Variants in EEA1 observed in about 807,000 individuals in gnomAD.
EEA1 encodes early endosome antigen 1, also known as early endosome antigen 1, 162kD.
In EEA1, 111 loss-of-function variants were observed where a neutral mutation model predicts 209.2. The observed-to-expected ratio is 0.53, with a 90% confidence interval of 0.45 to 0.62. The LOEUF (loss-of-function observed/expected upper bound fraction) is 0.62, where lower values mean the gene tolerates loss of function less well. Among genes scored for constraint, EEA1 ranks in the 20% least tolerant of loss-of-function variants. The pLI is 0.00. For missense variants in EEA1, 1,343 were observed against 1,530.8 expected (o/e 0.88, Z 2.05); for synonymous variants, 536 against 540.6 (o/e 0.99, Z 0.12).
intron 2 of EEA1, among the ~76,000 whole-genome samples, chr12:92,867,039 CTAAT>C (rs552095909): frequency 8.6e-4 from 131 of 152,290 alleles, no homozygotes; most frequent in Non-Finnish European, 1.4e-3. Flanking sequence ...TTCCCTCTTC[CTAAT>C]TAATCTTCCA....
chr12:92,793,080 A>AAT (rs1874486341), intron 21 of EEA1, among the ~76,000 whole-genome samples: 1 of 152,192 alleles, frequency 6.6e-6, no homozygotes, highest in Non-Finnish European at 1.5e-5. Flanking sequence ...AAAATTCAAC[A>AAT]GCCTTCATGC....
intron 10 of EEA1, among the ~76,000 whole-genome samples, chr12:92,834,589 TGACA>T (rs1555202730): frequency 7.3e-6 from 1 of 136,142 alleles, no homozygotes; most frequent in Non-Finnish European, 1.6e-5. Context: ...TAAGAGAGGA[TGACA>T]GACAGACTTA....
intron 10 of EEA1, among the ~76,000 whole-genome samples, chr12:92,833,129 T>C (rs1876735999): frequency 6.6e-6 from 1 of 152,220 alleles, no homozygotes; most frequent in African/African-American, 2.4e-5. Context: ...TTTTAGGTTA[T>C]GTGACATATT....
intron 6 of EEA1, among the ~76,000 whole-genome samples, chr12:92,853,692 A>G (rs944365936): frequency 1.1e-4 from 16 of 152,230 alleles, no homozygotes; most frequent in Admixed American, 6.5e-5. Flanking sequence ...TCTTACTTCA[A>G]AATATAATGA....
At chr12:92,872,207 C>A (rs752126018) in intron 2 of EEA1, among the ~76,000 whole-genome samples, 1 of 152,146 alleles carries the variant, frequency 6.6e-6, no homozygotes, top group Non-Finnish European at 1.5e-5. Flanking sequence ...TGCCACCACA[C>A]CTGGCCAATT....
At chr12:92,844,701 T>C (rs1877318539) in intron 9 of EEA1, among the ~76,000 whole-genome samples, 1 of 152,108 alleles carries the variant, frequency 6.6e-6, no homozygotes, top group South Asian at 2.1e-4. Context: ...TTTAATCATA[T>C]AGCAAAAATG....
At chr12:92,840,741 T>G (rs1313574582) in intron 10 of EEA1, among the ~76,000 whole-genome samples, 1 of 152,226 alleles carries the variant, frequency 6.6e-6, no homozygotes, top group Admixed American at 6.5e-5. Flanking sequence ...AGTGTGGTAC[T>G]AGCATAAAGA....
chr12:92,842,613 C>G (rs1159975483), intron 9 of EEA1, 32 bp from the exon 10 acceptor site: 4 of 1,246,758 alleles, frequency 3.2e-6, no homozygotes, highest in Non-Finnish European at 4.6e-6. Flanking sequence ...AAAATTAAAG[C>G]AAACTAAATT....
chr12:92,787,891 AAGT>A lies in EEA1; in HGVS notation c.3123_3125del (p.Glu1041_Leu1042delinsAsp). On this transcript the variant is annotated inframe_deletion, in exon 22 of 29. Coordinates refer to ENST00000322349, the MANE Select transcript of EEA1 (RefSeq NM_003566.4). The stretch of plus-strand genomic sequence containing the variant: ...CCTTAAGATCTTGCCTGGTGGCTAG[AAGT>A]TCAGATTCCCTCCCATAGAAATCAG... The A allele has an allele frequency of 6.2e-7, 1 of 1,609,834 alleles. No individual in the cohort carries two copies. The highest frequency in any genetic ancestry group is 8.5e-7 in the Non-Finnish European group (1 of 1,178,348).
intron 3 of EEA1, among the ~76,000 whole-genome samples, chr12:92,861,055 A>G (rs1878124641): frequency 6.6e-6 from 1 of 152,170 alleles, no homozygotes; most frequent in Admixed American, 6.5e-5. Context: ...GAAGCTTCTC[A>G]CATTCTGTTC....
intron 24 of EEA1, among the ~76,000 whole-genome samples, 175 bp from the exon 25 acceptor site, chr12:92,779,475 T>C (rs1873807306): frequency 6.6e-6 from 1 of 152,146 alleles, no homozygotes; most frequent in African/African-American, 2.4e-5. Flanking sequence ...TTATAGTATG[T>C]CTTGCTCAAC....
intron 1 of EEA1, among the ~76,000 whole-genome samples, chr12:92,908,900 T>C (rs1046282116): frequency 1.3e-5 from 2 of 152,202 alleles, no homozygotes; most frequent in Admixed American, 6.5e-5. Flanking sequence ...CTCAGTTCAC[T>C]GCAACCTCCG....
At chr12:92,781,128 T>C (rs1468247681) in intron 23 of EEA1, among the ~76,000 whole-genome samples, 1 of 152,156 alleles carries the variant, frequency 6.6e-6, no homozygotes, top group Non-Finnish European at 1.5e-5. Context: ...CAGGCTGATC[T>C]TGAACTCCTG....
At chr12:92,860,683 G>A (rs1332450203) in intron 3 of EEA1, among the ~76,000 whole-genome samples, 1 of 152,140 alleles carries the variant, frequency 6.6e-6, no homozygotes, top group African/African-American at 2.4e-5. Flanking sequence ...GGAGGGCAGA[G>A]CTGGTGTGGC....
chr12:92,816,296 A>T lies in EEA1; in HGVS notation c.1833T>A (p.Ala611=), dbSNP rs768250346. 1.2e-6 allele frequency: 2 copies of T among 1,614,054 alleles called. No homozygotes were observed. The highest frequency in any genetic ancestry group is 1.7e-6 in the Non-Finnish European group (2 of 1,179,936). The change falls in exon 15 of 29, where the codon GCT becomes GCA. Residue 611 remains alanine, a synonymous_variant. Coordinates refer to ENST00000322349, the MANE Select transcript of EEA1 (RefSeq NM_003566.4). ...QVQEQKAHLR[A]AQDRVLSLET... Reference sequence around the variant, plus strand: ...CTAGGGAAAGGACACGGTCTTGTGCAGCTCTAAGATGTGCCTTCTGCTCTT... The same window carrying T: ...CTAGGGAAAGGACACGGTCTTGTGCTGCTCTAAGATGTGCCTTCTGCTCTT...
At chr12:92,882,971 T>C (rs1176901900) in intron 2 of EEA1, among the ~76,000 whole-genome samples, 1 of 152,226 alleles carries the variant, frequency 6.6e-6, no homozygotes, top group African/African-American at 2.4e-5. Context: ...GTAGTCCTGT[T>C]TTAAGTTCTT....
chr12:92,829,791 A>AC (rs200214230), intron 11 of EEA1, among the ~76,000 whole-genome samples: 20 of 141,072 alleles, frequency 1.4e-4, no homozygotes, highest in Non-Finnish European at 1.9e-4. Context: ...AAAAAAAAAA[A>AC]AAAAACAAAA....
intron 7 of EEA1, 100 bp from the exon 8 acceptor site, chr12:92,852,396 T>C (rs528966331): frequency 7.5e-5 from 52 of 697,896 alleles, no homozygotes; most frequent in Admixed American, 3.5e-4. Flanking sequence ...CTAATTCAAA[T>C]TCACATTCCT....
intron 6 of EEA1, among the ~76,000 whole-genome samples, chr12:92,853,576 G>A (rs1387035483): frequency 6.6e-6 from 1 of 152,084 alleles, no homozygotes; most frequent in East Asian, 1.9e-4. Flanking sequence ...ATTAAAGTAT[G>A]CAGTCAACTC....
Sources: gnomAD v4.1 joint callset for allele counts (sites outside exome capture counted in the v4.1 genomes callset) on GRCh38, gnomAD v4.1.1 for gene constraint, MANE v1.5 for transcripts, NCBI Gene and HGNC (gene_info 2026-07-23, HGNC 2026-07-21) for gene names.